The following GAB1 variants were observed in gnomAD, a reference collection of about 807,000 sequenced individuals.
The protein encoded by GAB1 is GRB2-associated-binding protein 1.
GAB1 carries 19 observed loss-of-function variants against 66.5 expected under a neutral mutation model. The ratio of observed to expected loss-of-function variants is 0.29; its 90% CI spans 0.20 to 0.42. GAB1 has a LOEUF of 0.42. Among genes scored for constraint, GAB1 ranks in the 10% least tolerant of loss-of-function variants. The probability of loss-of-function intolerance (pLI) is 1.00; values close to 1 mark genes in which losing one functional copy is unlikely to be tolerated. For missense variants in GAB1, 732 were observed against 858.5 expected, an observed-to-expected ratio of 0.85 and a Z score of 1.84; for synonymous variants, 294 against 301.4, an observed-to-expected ratio of 0.98 and a Z score of 0.25.
At position 143,367,725 on chromosome 4, in the gene GAB1, T is replaced by G. The variant is rs1214723290; in HGVS notation, c.72+30465T>G. Among the ~76,000 whole-genome samples, 5 of 144,542 alleles carry G rather than the reference T, an allele frequency of 3.5e-5. No individual in the cohort carries two copies. The East Asian group carries it at 9.9e-4, about 29-fold the overall frequency. 94.8% of individuals were successfully genotyped at this position (144,542 alleles called of 152,430 possible). A position where few individuals can be genotyped will look rare whatever the true frequency, so the allele number is the denominator to read the frequency against. ...AAGTGCAAATCAGATGAGGGTTTTT[T>G]TTTTTTTTTTTTTTTTGGAGACAGA... On this transcript the variant is annotated intron_variant, in intron 1 of 9. Transcript: ENST00000262994.
intron 2 of GAB1, chr4:143,425,890 A>G: frequency 7.0e-7 from 1 of 1,418,924 alleles, no homozygotes; most frequent in Non-Finnish European, 9.8e-7. Context: ...CCCACTGCTC[A>G]GGCCACTGAA....
intron 1 of GAB1, among the ~76,000 whole-genome samples, chr4:143,378,537 G>A (rs562161117): frequency 3.3e-5 from 5 of 150,914 alleles, no homozygotes; most frequent in African/African-American, 9.7e-5. Context: ...GTCCTATTTC[G>A]CTCACAAATA....
Position 143,459,436 on chromosome 4 carries a change from A to C in GAB1, c.1637A>C (p.Gln546Pro). 6.2e-7 allele frequency: 1 copy of C among 1,610,322 alleles called. No individual in the cohort carries two copies. Among genetic ancestry groups the C allele is most frequent in the Non-Finnish European group, 8.5e-7 (1 of 1,176,696 alleles). Residue 546 changes from glutamine to proline, a missense_variant, in exon 7 of 10, where the codon CAA becomes CCA. Physicochemically the swap from Gln to Pro is moderately conservative, Grantham distance 76. This residue lies in a region of GAB1 where 204 missense variants were observed against 276.8 expected (regional missense o/e 0.74). Coordinates refer to ENST00000262994, the MANE Select transcript of GAB1 (RefSeq NM_002039.4). ...CCTTTGCCAGAATGGGAAGAATTAC[A>C]AGCCCCAGTTAGATCTCCCATCACT... ...IKPLPEWEEL[Q>P]APVRSPITRS... is the part of the protein sequence containing the mutation.
chr4:143,382,874 C>A (rs552387529), intron 1 of GAB1, among the ~76,000 whole-genome samples: 2 of 152,108 alleles, frequency 1.3e-5, no homozygotes, highest in South Asian at 4.1e-4. Context: ...CAGGTTTAAA[C>A]TTTATTCTGA....
intron 1 of GAB1, among the ~76,000 whole-genome samples, chr4:143,367,258 A>C (rs1034705782): frequency 4.6e-5 from 6 of 131,346 alleles, no homozygotes; most frequent in African/African-American, 1.7e-4. Context: ...CCCATCCTTG[A>C]TACAGTGATC....
chr4:143,457,731 A>T (rs373393887), intron 6 of GAB1: 3 of 1,579,948 alleles, frequency 1.9e-6, no homozygotes, highest in Non-Finnish European at 2.6e-6. Flanking sequence ...GAGCGAACTG[A>T]TTCACAAACC....
At chr4:143,411,176 T>C (rs1210962852) in intron 1 of GAB1, among the ~76,000 whole-genome samples, 3 of 152,086 alleles carry the variant, frequency 2.0e-5, no homozygotes, top group Non-Finnish European at 4.4e-5. Flanking sequence ...TGGAGGGTCC[T>C]GTGTACCCTG....
At chr4:143,341,768 T>G (rs543961955) in intron 1 of GAB1, among the ~76,000 whole-genome samples, 5 of 152,260 alleles carry the variant, frequency 3.3e-5, no homozygotes, top group Admixed American at 2.0e-4. Flanking sequence ...ACATCTGACA[T>G]GGAGGAGAGG....
At chr4:143,432,193 G>C (rs907511374) in intron 2 of GAB1, among the ~76,000 whole-genome samples, 2 of 152,166 alleles carry the variant, frequency 1.3e-5, no homozygotes, top group Non-Finnish European at 2.9e-5. Context: ...GAAGGAAAAG[G>C]CCAACATTCC....
chr4:143,454,846 A>G (rs566369137), intron 6 of GAB1, among the ~76,000 whole-genome samples: 1 of 152,100 alleles, frequency 6.6e-6, no homozygotes, highest in East Asian at 1.9e-4. Context: ...CAGTTTGAAA[A>G]TCATTCTCCT....
Position 143,466,220 on chromosome 4 carries a change from C to A in GAB1, c.1921C>A (p.Arg641Ser), listed in dbSNP as rs146993674. The change falls in exon 9 of 10, where the codon CGT becomes AGT. Residue 641 changes from arginine (R) to serine (S), a missense_variant. Arg to Ser is a moderately radical substitution (Grantham distance 110). This residue lies in a region of GAB1 where 204 missense variants were observed against 276.8 expected (regional missense o/e 0.74). Coordinates refer to ENST00000262994, the MANE Select transcript of GAB1 (RefSeq NM_002039.4). ...DLDSGKSTPPRKQKSSGSGSS... is the reference protein window; with the variant it reads ...DLDSGKSTPPSKQKSSGSGSS... ...AGATTCTGGGAAATCCACACCACCA[C>A]GTAAGGTGAGTGACATGTGACATGT... is the stretch of plus-strand genomic sequence containing the variant. The A allele has an allele frequency of 3.9e-5, 63 of 1,613,346 alleles. 2 individuals are homozygous for A. The South Asian group carries it at 5.4e-4, about 14-fold the overall frequency.
chr4:143,420,780 A>T (rs1417535524), intron 2 of GAB1, among the ~76,000 whole-genome samples: 1 of 152,022 alleles, frequency 6.6e-6, no homozygotes, highest in Non-Finnish European at 1.5e-5. Flanking sequence ...AAAAAAGTAC[A>T]ATTCTCTGTT....
chr4:143,377,505 C>T (rs1328659474), intron 1 of GAB1, among the ~76,000 whole-genome samples: 2 of 152,180 alleles, frequency 1.3e-5, no homozygotes, highest in Non-Finnish European at 2.9e-5. Flanking sequence ...AGACGTTTTT[C>T]TCAGAACAGA....
At position 143,338,435 on chromosome 4, in the gene GAB1, AACAGAGTGAAGTAC is replaced by A. The variant is rs1346628706; in HGVS notation, c.72+1189_72+1202del. On this transcript the variant is annotated intron_variant, in intron 1 of 9. Transcript: ENST00000262994. ...TGTTAGTCACTGTTTGCTTGTATAGAACAGAGTGAAGTACACAGAGTGAAGTATTTAACTTCACT... is the reference window on the plus strand; with the variant it reads ...TGTTAGTCACTGTTTGCTTGTATAGAACAGAGTGAAGTATTTAACTTCACT... 3.3e-5 allele frequency among the ~76,000 whole-genome samples: 5 copies of A among 152,350 alleles called. No individual in the cohort carries two copies. The East Asian group carries it at 7.7e-4, about 23-fold the overall frequency.
At chr4:143,425,794 G>T (rs1038191888) in intron 2 of GAB1, 7 of 787,898 alleles carry the variant, frequency 8.9e-6, no homozygotes, top group East Asian at 4.9e-5. Context: ...TGATCTGAAG[G>T]CATGCAGGTG....
At position 143,367,721 on chromosome 4, in the gene GAB1, T is replaced by TTG; in HGVS notation, c.72+30462_72+30463insGT. Among the ~76,000 whole-genome samples the TTG allele has an allele frequency of 2.5e-5, 3 of 120,394 alleles. No homozygotes were observed. In the South Asian group the frequency reaches 8.2e-4, roughly 33 times the overall value. The allele number at this position is 120,394 out of a possible 152,430, so 79.0% of individuals were successfully genotyped here. The stretch of plus-strand genomic sequence containing the variant: ...ATAGAAGTGCAAATCAGATGAGGGT[T>TTG]TTTTTTTTTTTTTTTTTTTTGGAGA... On this transcript the variant is annotated intron_variant, in intron 1 of 9. Coordinates refer to ENST00000262994, the MANE Select transcript of GAB1 (RefSeq NM_002039.4).
rs141604843 is a variant in GAB1, at chr4:143,420,227, A to C, written c.367+4456A>C. ...TGGCTTGAAAATTAGCTAACAGCAC[A>C]AGATAATTTTTTTACTATGCTAATT... is the stretch of plus-strand genomic sequence containing the variant. On this transcript the variant is annotated intron_variant, in intron 2 of 9. Transcript: ENST00000262994. Among the ~76,000 whole-genome samples, 309 of 152,246 alleles carry C rather than the reference A, an allele frequency of 2.0e-3. 2 individuals carry two copies. Among genetic ancestry groups the C allele is most frequent in the African/African-American group, 7.1e-3 (295 of 41,582 alleles).
chr4:143,367,446 C>T lies in GAB1; in HGVS notation c.72+30186C>T, dbSNP rs56352863. Among the ~76,000 whole-genome samples, 347 of 151,756 alleles carry T rather than the reference C, an allele frequency of 2.3e-3. 2 individuals are homozygous for T. The highest frequency in any genetic ancestry group is 3.7e-3 in the South Asian group (18 of 4,814). The stretch of plus-strand genomic sequence containing the variant: ...AGAGTGAGAACATATGTTGGTGAAA[C>T]GAAGAAAATGTATATAAAGTACCTC... On this transcript the variant is annotated intron_variant, in intron 1 of 9. Transcript: ENST00000262994.
intron 1 of GAB1, among the ~76,000 whole-genome samples, chr4:143,341,777 G>C (rs1354742092): frequency 6.6e-6 from 1 of 152,234 alleles, no homozygotes; most frequent in Non-Finnish European, 1.5e-5. Context: ...ATGGAGGAGA[G>C]GGGCGTGGGC....
Sources: allele counts gnomAD v4.1 joint callset (sites outside exome capture counted in the v4.1 genomes callset), GRCh38; gene constraint gnomAD v4.1.1; regional missense constraint gnomAD v4.1.1; transcripts MANE v1.5; gene names NCBI Gene and HGNC (gene_info 2026-07-23, HGNC 2026-07-21).